SPON1: variants seen among roughly 807,000 people sequenced by gnomAD.
The protein encoded by SPON1 is spondin-1.
SPON1 carries 52 observed loss-of-function variants against 111.7 expected under a neutral mutation model. That is an observed-to-expected ratio of 0.47 (90% CI 0.37 to 0.59). The LOEUF is 0.59. Ranked by LOEUF, SPON1 falls within the 20% of genes least tolerant of loss-of-function variation. SPON1 has a pLI of 0.00. For missense variants in SPON1, 957 were observed against 1,068.5 expected (o/e 0.90, Z 1.46); for synonymous variants, 410 against 395.8 (o/e 1.04, Z -0.43).
At chr11:14,161,011 T>G (rs182370523) in intron 6 of SPON1, among the ~76,000 whole-genome samples, 2 of 35,124 alleles carry the variant, frequency 5.7e-5, no homozygotes, top group Non-Finnish European at 9.6e-5. Flanking sequence ...ATTTATATAT[T>G]TATATATCTA....
intron 2 of SPON1, among the ~76,000 whole-genome samples, chr11:13,989,495 G>C (rs1458733847): frequency 1.3e-5 from 2 of 152,106 alleles, no homozygotes; most frequent in South Asian, 2.1e-4. Flanking sequence ...CAAAAAAACA[G>C]CTCCTGGATT....
chr11:14,058,194 G>C (rs1848762180), intron 3 of SPON1, among the ~76,000 whole-genome samples: 1 of 152,118 alleles, frequency 6.6e-6, no homozygotes, highest in Non-Finnish European at 1.5e-5. Flanking sequence ...GGCAGGCAAG[G>C]ACTTGCCAGA....
chr11:14,058,140 T>C (rs901570860), intron 3 of SPON1, among the ~76,000 whole-genome samples: 2 of 151,834 alleles, frequency 1.3e-5, no homozygotes, highest in Non-Finnish European at 2.9e-5. Context: ...TCTCAGAAGG[T>C]TGGGCCAAGA....
chr11:14,146,037 T>C (rs1400675778), intron 6 of SPON1, among the ~76,000 whole-genome samples: 1 of 152,132 alleles, frequency 6.6e-6, no homozygotes, highest in Non-Finnish European at 1.5e-5. Context: ...CACCAGAAAC[T>C]CCTTGCCTCT....
At position 14,049,604 on chromosome 11, in the gene SPON1, G is replaced by A. The variant is rs7118564; in HGVS notation, c.479+7950G>A. On this transcript the variant is annotated intron_variant, in intron 3 of 15. Coordinates refer to ENST00000576479, the MANE Select transcript of SPON1 (RefSeq NM_006108.4). ...TTCTTGTCTGTCCATTCCTTTGGTA[G>A]CACTTACTGAACACCTCCTGCTTGC... 6.8e-3 allele frequency among the ~76,000 whole-genome samples: 1,038 copies of A among 152,270 alleles called. 22 individuals are homozygous for A. The highest frequency in any genetic ancestry group is 0.024 in the African/African-American group (996 of 41,550).
In SPON1 at chr11:14,254,662, G is replaced by C; in HGVS notation, c.1025G>C (p.Trp342Ser). 3 of 1,614,048 alleles carry C rather than the reference G, an allele frequency of 1.9e-6. No individual in the cohort carries two copies. The highest frequency in any genetic ancestry group is 8.5e-7 in the Non-Finnish European group (1 of 1,179,910). Residue 342 changes from tryptophan to serine, a missense_variant, in exon 8 of 16, where the codon TGG becomes TCG. This residue lies in a region of SPON1 where 19 missense variants were observed against 47.5 expected (regional missense o/e 0.40). Coordinates refer to ENST00000576479, the MANE Select transcript of SPON1 (RefSeq NM_006108.4). ...AEDLCTKECG[W>S]VQKVVQDLIP... ...GATCTGTGCACCAAGGAATGTGGCT[G>C]GGTCCAGAAGGTGGTGCAAGACCTG... is the stretch of plus-strand genomic sequence containing the variant.
chr11:14,259,353 G>A lies in SPON1; in HGVS notation c.1566G>A (p.Arg522=), dbSNP rs781961368. 8.7e-6 allele frequency: 14 copies of A among 1,612,858 alleles called. 2 individuals carry two copies. The highest frequency in any genetic ancestry group is 1.6e-4 in the Middle Eastern group (1 of 6,082). Reference sequence around the variant, plus strand: ...GCATCTCCTGCGGCATGGGCATGAGGTCCCGGGAGAGGTATGTGAAGCAGT... The same window carrying A: ...GCATCTCCTGCGGCATGGGCATGAGATCCCGGGAGAGGTATGTGAAGCAGT... ...PCSISCGMGM[R]SRERYVKQFP... is the part of the protein sequence containing the mutation. Residue 522 remains arginine, a synonymous_variant, in exon 12 of 16, where the codon AGG becomes AGA. Coordinates refer to ENST00000576479, the MANE Select transcript of SPON1 (RefSeq NM_006108.4). This position sits in a 1 kb window ranked among gnomAD's most constrained non-coding sequence, Gnocchi z 5.0.
At chr11:14,203,962 C>T (rs1253992688) in intron 6 of SPON1, among the ~76,000 whole-genome samples, 5 of 152,178 alleles carry the variant, frequency 3.3e-5, no homozygotes, top group Non-Finnish European at 7.3e-5. Flanking sequence ...AGTCCAAAAT[C>T]CATAATGCTC....
chr11:13,976,218 CT>C (rs1403022093), intron 1 of SPON1, among the ~76,000 whole-genome samples: 4 of 152,064 alleles, frequency 2.6e-5, no homozygotes, highest in Admixed American at 1.3e-4. Flanking sequence ...AATGGAATTC[CT>C]TTTTTTTAAT....
chr11:14,202,694 T>G (rs1002736198), intron 6 of SPON1, among the ~76,000 whole-genome samples: 1 of 152,234 alleles, frequency 6.6e-6, no homozygotes, highest in Non-Finnish European at 1.5e-5. Context: ...CGGTGTTTCA[T>G]GCTTAACCGT....
At chr11:14,104,885 C>T (rs1564906271) in intron 5 of SPON1, among the ~76,000 whole-genome samples, 1 of 152,068 alleles carries the variant, frequency 6.6e-6, no homozygotes, top group Non-Finnish European at 1.5e-5. Flanking sequence ...TGTATAAAGA[C>T]AGAAATTATA....
intron 1 of SPON1, among the ~76,000 whole-genome samples, chr11:13,964,292 T>C (rs1847998842): frequency 1.3e-5 from 2 of 152,216 alleles, no homozygotes; most frequent in African/African-American, 4.8e-5. Flanking sequence ...GCTCTGGTGC[T>C]AAGCAGGGAT....
intron 6 of SPON1, among the ~76,000 whole-genome samples, chr11:14,165,608 C>A (rs1848020242): frequency 6.6e-6 from 1 of 152,164 alleles, no homozygotes. Flanking sequence ...AAGCAAAGAT[C>A]TGAAAGCATT....
chr11:14,160,969 ATATT>A (rs1212249925), intron 6 of SPON1, among the ~76,000 whole-genome samples: 6 of 61,218 alleles, frequency 9.8e-5, no homozygotes, highest in African/African-American at 1.9e-4. Context: ...ATATTTATAT[ATATT>A]TTTATATATT....
intron 5 of SPON1, among the ~76,000 whole-genome samples, chr11:14,086,358 A>G (rs2204711): frequency 0.98 from 149,853 of 152,310 alleles, 73,776 homozygotes; most frequent in Middle Eastern, 1. Flanking sequence ...AGCATGAAGC[A>G]GTGTTGAATT....
chr11:14,087,345 T>A (rs1243452132), intron 5 of SPON1, among the ~76,000 whole-genome samples: 1 of 152,216 alleles, frequency 6.6e-6, no homozygotes. Context: ...GTACATTGTC[T>A]CTTTATTCCC....
chr11:14,257,831 C>A lies in SPON1; in HGVS notation c.1425C>A (p.Asp475Glu), dbSNP rs1263466611. ...AGCGCATGCTGAAAGCACAGCTGGA[C>A]CTCAGCGTCCCCTGCCCTGACACCC... ...MRQRMLKAQLDLSVPCPDTQD... is the reference protein window; with the variant it reads ...MRQRMLKAQLELSVPCPDTQD... Residue 475 changes from aspartate to glutamate, a missense_variant, in exon 11 of 16, where the codon GAC becomes GAA. This residue lies in a region of SPON1 where 549 missense variants were observed against 606.2 expected (regional missense o/e 0.91). Transcript: ENST00000576479. 1.3e-6 allele frequency: 2 copies of A among 1,599,272 alleles called. No individual in the cohort carries two copies. The highest frequency in any genetic ancestry group is 1.7e-6 in the Non-Finnish European group (2 of 1,173,184).
chr11:13,962,971 C>G lies in SPON1; in HGVS notation c.67C>G (p.Leu23Val). 1.9e-6 allele frequency: 3 copies of G among 1,593,328 alleles called. No individual in the cohort carries two copies. The South Asian group carries it at 3.4e-5, about 18-fold the overall frequency. ...TPALLALALP[L>V]AAALAFSDET... ...GGCACTGCTGGCCCTGGCGCTGCCCCTGGCCGCGGCGCTGGCCTTCTCCGA... is the reference window on the plus strand; with the variant it reads ...GGCACTGCTGGCCCTGGCGCTGCCCGTGGCCGCGGCGCTGGCCTTCTCCGA... Residue 23 changes from leucine to valine, a missense_variant, in exon 1 of 16, where the codon CTG (leucine) becomes GTG (valine). This residue lies in a region of SPON1 where 262 missense variants were observed against 253.9 expected (regional missense o/e 1.03). Transcript: ENST00000576479.
chr11:14,090,824 G>GCCACCCCCCCCCCCCCCCCCCC (rs1849046497), intron 5 of SPON1, among the ~76,000 whole-genome samples: 2 of 45,580 alleles, frequency 4.4e-5, no homozygotes, highest in Admixed American at 2.7e-4. Flanking sequence ...CTCTTATCTG[G>GCCACCCCCCCCCCCCCCCCCCC]CCCCCCCCCC....
Sources: gnomAD v4.1 joint callset for allele counts (sites outside exome capture counted in the v4.1 genomes callset) on GRCh38, gnomAD v4.1.1 for gene constraint, gnomAD v4.1.1 regional missense constraint, Gnocchi (gnomAD v3.1) non-coding constraint, MANE v1.5 for transcripts, NCBI Gene and HGNC (gene_info 2026-07-23, HGNC 2026-07-21) for gene names.